Variants in CELSR2 observed in about 807,000 individuals in gnomAD.
CELSR2 encodes EGF-like protein 2.
CELSR2 carries 81 observed loss-of-function variants against 251.6 expected under a neutral mutation model. The observed-to-expected ratio is 0.32, with a 90% CI of 0.27 to 0.39. CELSR2 has a LOEUF of 0.39. CELSR2 is among the 10% of genes least tolerant of loss of function. CELSR2 has a pLI of 1.00. For synonymous variants in CELSR2, 1,721 were observed against 1,670.5 expected, an observed-to-expected ratio of 1.03 and a Z score of -0.74; for missense variants, 3,365 against 3,947.7, an observed-to-expected ratio of 0.85 and a Z score of 3.96.
intron 15 of CELSR2, among the ~76,000 whole-genome samples, chr1:109,266,711 A>C (rs1570788968): frequency 1.8e-5 from 2 of 112,182 alleles, no homozygotes; most frequent in African/African-American, 3.4e-5. Flanking sequence ...GCACCCCACC[A>C]CATTTTGGAC....
At position 109,262,802 on chromosome 1, in the gene CELSR2, C is replaced by A. The variant is rs752491284; in HGVS notation, c.4545-4C>A. The A allele has an allele frequency of 3.1e-6, 5 of 1,610,548 alleles. No homozygotes were observed. On this transcript the variant is annotated splice_region_variant and splice_polypyrimidine_tract_variant and intron_variant, in intron 6 of 33. Coordinates refer to ENST00000271332, the MANE Select transcript of CELSR2 (RefSeq NM_001408.3). ...TTGTGCCGCCACCATCTTTGCTCCC[C>A]CAGGTCTCTGGATCTGACGGGGCCC... is the stretch of plus-strand genomic sequence containing the variant.
In CELSR2 at chr1:109,269,744, G is replaced by A. The variant is rs570931149; in HGVS notation, c.7031G>A (p.Arg2344His). 4.3e-6 allele frequency: 7 copies of A among 1,613,742 alleles called. No homozygotes were observed. The highest frequency in any genetic ancestry group is 1.7e-5 in the Admixed American group (1 of 59,998). The stretch of plus-strand genomic sequence containing the variant: ...GCCAGAGGCTGTGAAGTCGTCTTCC[G>A]CAATGAGAGCCACGTCAGCTGCCAG... ...WSARGCEVVF[R>H]NESHVSCQCN... Residue 2344 changes from arginine to histidine, a missense_variant, in exon 22 of 34, where the codon CGC becomes CAC. Coordinates refer to ENST00000271332, the MANE Select transcript of CELSR2 (RefSeq NM_001408.3). This position sits in a 1 kb window ranked among gnomAD's most constrained non-coding sequence, Gnocchi z 6.4.
chr1:109,268,530 GA>G (rs1557735454), intron 17 of CELSR2, 50 bp from the exon 18 acceptor site: 2 of 1,546,876 alleles, frequency 1.3e-6, no homozygotes, highest in African/African-American at 2.7e-5. Flanking sequence ...CCATGGTGGG[GA>G]TGTCAGGTGT....
In CELSR2 at chr1:109,261,300, T is replaced by G. The variant is rs773137774; in HGVS notation, c.4181+36T>G. On this transcript the variant is annotated intron_variant, in intron 3 of 33. Transcript: ENST00000271332. This position sits in a 1 kb window ranked among gnomAD's most constrained non-coding sequence, Gnocchi z 4.8. Reference sequence around the variant, plus strand: ...GGGCACTGGGGGTGGGGAGTGGGCCTGGTGGGCATCTGAGGTGCCTCCTGT... The same window carrying G: ...GGGCACTGGGGGTGGGGAGTGGGCCGGGTGGGCATCTGAGGTGCCTCCTGT... The G allele has an allele frequency of 3.1e-6, 5 of 1,589,610 alleles. No individual in the cohort carries two copies. Among genetic ancestry groups the G allele is most frequent in the Middle Eastern group, 2.0e-4 (1 of 5,040 alleles).
Position 109,250,859 on chromosome 1 carries a change from G to A in CELSR2, c.780G>A (p.Thr260=), listed in dbSNP as rs372864529. The A allele has an allele frequency of 2.9e-5, 47 of 1,613,998 alleles. No homozygotes were observed. The East Asian group carries it at 3.6e-4, about 12-fold the overall frequency. ...ETKSTHVFRV[T]AQDHGMPRRS... The stretch of plus-strand genomic sequence containing the variant: ...AGAGCACCCACGTCTTCAGGGTCAC[G>A]GCGCAGGACCACGGCATGCCCCGAC... Residue 260 remains threonine, a synonymous_variant, in exon 1 of 34, where the codon ACG becomes ACA. Coordinates refer to ENST00000271332, the MANE Select transcript of CELSR2 (RefSeq NM_001408.3). This position sits in a 1 kb window ranked among gnomAD's most constrained non-coding sequence, Gnocchi z 4.4.
rs1656185324 is a variant in CELSR2 at position 109,266,304 on chromosome 1, C to A, written c.6013+98C>A. ...CCTGGCTGAAGATCCGGGGACCCCA[C>A]TTTCTGGCCTCCAGGTCCTGGGATT... On this transcript the variant is annotated intron_variant, in intron 15 of 33. Transcript: ENST00000271332. 24 of 1,409,288 alleles carry A rather than the reference C, an allele frequency of 1.7e-5. No individual in the cohort carries two copies. The South Asian group carries it at 3.1e-4, about 18-fold the overall frequency. The allele number at this position is 1,409,288 out of a possible 1,614,324, so 87.3% of individuals were successfully genotyped here. A position where few individuals can be genotyped will look rare whatever the true frequency, so the allele number is the denominator to read the frequency against.
chr1:109,268,824 T>G, intron 18 of CELSR2, 56 bp from the exon 19 acceptor site: 1 of 1,582,416 alleles, frequency 6.3e-7, no homozygotes, highest in Non-Finnish European at 8.6e-7. Context: ...CAAGAGCGGC[T>G]GTGCTGGGGT....
rs544673152 is a variant in CELSR2, at chr1:109,265,030, G to C, written c.5606+21G>C. The stretch of plus-strand genomic sequence containing the variant: ...ACCAGGTAAGCAGACCAGGGCATGT[G>C]GCAGCAGGTCCCAGTGGCTGCTGCT... On this transcript the variant is annotated intron_variant, in intron 12 of 33. Transcript: ENST00000271332. The C allele has an allele frequency of 2.2e-4, 351 of 1,613,942 alleles. 10 individuals are homozygous for C. The South Asian group carries it at 3.7e-3, about 17-fold the overall frequency.
In CELSR2 at chr1:109,272,637, T is replaced by A; in HGVS notation, c.8055-3T>A. ...CCCCTCCAGCATGGTCTCATCTTCC[T>A]AGGGAGGAGTCCGCACTGAACCCTG... On this transcript the variant is annotated splice_region_variant and splice_polypyrimidine_tract_variant and intron_variant, in intron 29 of 33. Transcript: ENST00000271332. 6.2e-7 allele frequency: 1 copy of A among 1,612,538 alleles called. No homozygotes were observed. The highest frequency in any genetic ancestry group is 8.5e-7 in the Non-Finnish European group (1 of 1,179,210).
chr1:109,259,065 G>A lies in CELSR2; in HGVS notation c.3944G>A (p.Arg1315His). 1.9e-6 allele frequency: 3 copies of A among 1,589,152 alleles called. No individual in the cohort carries two copies. Among genetic ancestry groups the A allele is most frequent in the Non-Finnish European group, 2.6e-6 (3 of 1,172,960 alleles). The change falls in exon 2 of 34, where the codon CGT becomes CAT. Residue 1315 changes from arginine to histidine, a missense_variant. Transcript: ENST00000271332. ...SREGGYTCLC[R>H]DGYTGEHCEV... ...GAGGGCGGCTACACCTGCCTCTGTC[G>A]TGATGGCTACACGGGTGAGCCAAGG...
rs375166359 is a variant in CELSR2, at chr1:109,268,602, G to A, written c.6340G>A (p.Ala2114Thr). 48 of 1,611,874 alleles carry A rather than the reference G, an allele frequency of 3.0e-5. No homozygotes were observed. Among genetic ancestry groups the A allele is most frequent in the South Asian group, 1.2e-4 (11 of 90,882 alleles). The change falls in exon 18 of 34, where the codon GCC becomes ACC. Residue 2114 changes from alanine to threonine, a missense_variant. Physicochemically the swap from Ala to Thr is moderately conservative, Grantham distance 58 (BLOSUM62 0). This residue lies in a region of CELSR2 where 2,093 missense variants were observed against 2,382.8 expected (regional missense o/e 0.88). Transcript: ENST00000271332. ...CCAGAATCTGCTGCGGGTGGGCAGC[G>A]CCCTCCTGGACACAGCCAACAAGCG... ...FTENLLRVGS[A>T]LLDTANKRHW...
At position 109,263,798 on chromosome 1, in the gene CELSR2, TGGCCCTGGCCTGGCCATAG is replaced by T. The variant is rs1308961353; in HGVS notation, c.5001+30_5001+48del. ...TACAGGTGATGCATGGAAGGGCGGC[TGGCCCTGGCCTGGCCATAG>T]GGCCCTGGTAGCCTCTAGGCGGCTG... On this transcript the variant is annotated intron_variant, in intron 9 of 33. Coordinates refer to ENST00000271332, the MANE Select transcript of CELSR2 (RefSeq NM_001408.3). 4 of 1,608,614 alleles carry T rather than the reference TGGCCCTGGCCTGGCCATAG, an allele frequency of 2.5e-6. No individual in the cohort carries two copies. In the South Asian group the frequency reaches 4.4e-5, roughly 18 times the overall value.
At position 109,261,350 on chromosome 1, in the gene CELSR2, G is replaced by A; in HGVS notation, c.4181+86G>A. On this transcript the variant is annotated intron_variant, in intron 3 of 33. Transcript: ENST00000271332. The surrounding 1 kb of genome is among the most constrained non-coding windows in gnomAD (Gnocchi z 4.8). ...TTCTGTGGTTGAAGTAAGAGGTCAG[G>A]CAGTGAAAGCGTGGAGCAGGCTGCC... The A allele has an allele frequency of 6.9e-7, 1 of 1,443,846 alleles. No homozygotes were observed. The highest frequency in any genetic ancestry group is 9.6e-7 in the Non-Finnish European group (1 of 1,040,674). 89.4% of individuals were successfully genotyped at this position (1,443,846 alleles called of 1,614,324 possible).
intron 15 of CELSR2, chr1:109,266,582 TTTG>T (rs1459922526): frequency 7.6e-5 from 12 of 157,530 alleles, no homozygotes; most frequent in African/African-American, 3.0e-4. Flanking sequence ...TTTTTTTTTT[TTTG>T]TATTTTTAGT....
chr1:109,267,764 G>T lies in CELSR2; in HGVS notation c.6109-87G>T, dbSNP rs191646688. On this transcript the variant is annotated intron_variant, in intron 16 of 33. Transcript: ENST00000271332. Reference sequence around the variant, plus strand: ...CAGCCTGTGTGTTCCTGGGCTCCCAGCTGGAGAGGCCGTCTCTCACCTCCT... The same window carrying T: ...CAGCCTGTGTGTTCCTGGGCTCCCATCTGGAGAGGCCGTCTCTCACCTCCT... 11 of 1,562,372 alleles carry T rather than the reference G, an allele frequency of 7.0e-6. No homozygotes were observed. The African/African-American group carries it at 1.3e-4, about 19-fold the overall frequency.
At chr1:109,266,302 C>T (rs915012531) in intron 15 of CELSR2, 96 bp downstream of exon 15, 87 of 1,427,296 alleles carry the variant, frequency 6.1e-5, no homozygotes, top group Non-Finnish European at 1.8e-5. Context: ...CCGGGGACCC[C>T]ACTTTCTGGC....
At chr1:109,264,006 A>G (rs529088316) in intron 9 of CELSR2, 72 bp from the exon 10 acceptor site, 5 of 1,505,728 alleles carry the variant, frequency 3.3e-6, no homozygotes, top group African/African-American at 2.8e-5. Context: ...TGGTCCAGAA[A>G]GGGGAACTGT....
At chr1:109,271,339 G>T (rs1387259075) in intron 26 of CELSR2, 43 bp downstream of exon 26, 1 of 1,613,756 alleles carries the variant, frequency 6.2e-7, no homozygotes, top group Non-Finnish European at 8.5e-7. Flanking sequence ...GCAGGCACCA[G>T]CATGGGAGGT....
chr1:109,255,168 A>T (rs1189877766), intron 1 of CELSR2, among the ~76,000 whole-genome samples: 3 of 152,172 alleles, frequency 2.0e-5, no homozygotes, highest in African/African-American at 7.2e-5. Flanking sequence ...CACCACGGCA[A>T]CCCCAAAGTT....
Sources: allele counts gnomAD v4.1 joint callset (sites outside exome capture counted in the v4.1 genomes callset), GRCh38; gene constraint gnomAD v4.1.1; regional missense constraint gnomAD v4.1.1; non-coding constraint Gnocchi (gnomAD v3.1); transcripts MANE v1.5; gene names NCBI Gene and HGNC (gene_info 2026-07-23, HGNC 2026-07-21).